The following DMD variants were observed in gnomAD, a reference collection of about 807,000 sequenced individuals.
DMD encodes the protein mutant dystrophin.
Under a neutral mutation model 330.1 loss-of-function variants are expected in DMD, and 63 were observed. The ratio of observed to expected loss-of-function variants is 0.19; its 90% CI spans 0.16 to 0.24. The LOEUF (loss-of-function observed/expected upper bound fraction) is 0.24, where lower values mean the gene tolerates loss of function less well. Ranked by LOEUF, DMD falls within the 10% of genes least tolerant of loss-of-function variation. DMD has a pLI of 1.00. For missense variants in DMD, 3,344 were observed against 2,684.1 expected (o/e 1.25, Z -5.43); for synonymous variants, 1,223 against 959.8 (o/e 1.27, Z -5.07).
At position 31,120,962 on chromosome X, in the gene DMD, A is replaced by ATACTTTT. The variant is rs1338245644; in HGVS notation, c.*956_*957insAAAAGTA. ...CACATGTTCCCTTTAAAAAAATCCAATACTTTACTTTACTTTCGTTGTCAG... is the reference window on the plus strand; with the variant it reads ...CACATGTTCCCTTTAAAAAAATCCAATACTTTTTACTTTACTTTACTTTCGTTGTCAG... On this transcript the variant is annotated 3_prime_UTR_variant, in exon 79 of 79. Coordinates refer to ENST00000357033, the MANE Select transcript of DMD (RefSeq NM_004006.3). The ATACTTTT allele has an allele frequency of 9.0e-6, 1 of 111,239 alleles. No homozygotes were observed. The highest frequency in any genetic ancestry group is 3.3e-5 in the African/African-American group (1 of 30,343). The allele number at this position is 111,239 out of a possible 1,213,427, so 9.2% of individuals were successfully genotyped here.
At chrX:31,792,026 G>A (rs1256169643) in intron 50 of DMD, among the ~76,000 whole-genome samples, 1 of 111,636 alleles carries the variant, frequency 9.0e-6, no homozygotes, top group East Asian at 2.8e-4. Context: ...AAGAGTCTTT[G>A]CAAATCAAAA....
At chrX:32,188,007 T>G (rs1341252255) in intron 44 of DMD, among the ~76,000 whole-genome samples, 6 of 111,165 alleles carry the variant, frequency 5.4e-5, no homozygotes, top group Non-Finnish European at 1.9e-5. Flanking sequence ...TGATATAGAA[T>G]TTTTTATCTG....
At chrX:31,466,554 G>T (rs1266886325) in intron 59 of DMD, among the ~76,000 whole-genome samples, 1 of 111,705 alleles carries the variant, frequency 9.0e-6, no homozygotes, top group East Asian at 2.8e-4. Flanking sequence ...ATACTGTTTT[G>T]GTTACTGAAG....
At chrX:31,529,109 C>G (rs771448996) in intron 55 of DMD, among the ~76,000 whole-genome samples, 1 of 111,427 alleles carries the variant, frequency 9.0e-6, no homozygotes, top group African/African-American at 3.3e-5. Flanking sequence ...GTAATCCCAG[C>G]TACTCAGGAG....
chrX:32,590,886 T>C (rs1336124916), intron 13 of DMD, among the ~76,000 whole-genome samples: 3 of 111,857 alleles, frequency 2.7e-5, no homozygotes, highest in Admixed American at 1.9e-4. Flanking sequence ...CAATTCTCCA[T>C]GATAAACTCC....
intron 54 of DMD, among the ~76,000 whole-genome samples, chrX:31,644,049 C>T (rs2079937491): frequency 9.0e-6 from 1 of 111,554 alleles, no homozygotes; most frequent in South Asian, 3.7e-4. Flanking sequence ...CTGATTCTGA[C>T]TTGTACTTTC....
chrX:32,821,607 AT>A (rs2078261589), intron 5 of DMD, among the ~76,000 whole-genome samples: 1 of 109,021 alleles, frequency 9.2e-6, no homozygotes, highest in Non-Finnish European at 1.9e-5. Flanking sequence ...ATAAAAAAAA[AT>A]AAAAATAAAA....
intron 54 of DMD, among the ~76,000 whole-genome samples, chrX:31,630,059 GCTC>G (rs1278993043): frequency 8.9e-6 from 1 of 112,021 alleles, no homozygotes; most frequent in Non-Finnish European, 1.9e-5. Context: ...ATGCATCTTA[GCTC>G]CTCTATCCTT....
rs777221980 is a variant in DMD, at chrX:31,742,123, A to G, written c.7543-12375T>C. 5.3e-5 allele frequency among the ~76,000 whole-genome samples: 6 copies of G among 112,296 alleles called. No individual in the cohort carries two copies. The Admixed American group carries it at 5.7e-4, about 11-fold the overall frequency. ...GCAGAGAATTAGTCCTTTGCTTTAG[A>G]TTAGCCTTTTGCTTAAGATAATGGT... is the stretch of plus-strand genomic sequence containing the variant. On this transcript the variant is annotated intron_variant, in intron 51 of 78. Transcript: ENST00000357033.
In DMD at chrX:32,554,950, AGG is replaced by A. The variant is rs763516342; in HGVS notation, c.1993-9618_1993-9617del. Among the ~76,000 whole-genome samples, 54 of 90,167 alleles carry A rather than the reference AGG, an allele frequency of 6.0e-4. 5 individuals carry two copies. Among genetic ancestry groups the A allele is most frequent in the East Asian group, 2.8e-3 (7 of 2,537 alleles). The allele number at this position is 90,167 out of a possible 115,157, so 78.3% of individuals were successfully genotyped here. A position where few individuals can be genotyped will look rare whatever the true frequency, so the allele number is the denominator to read the frequency against. On this transcript the variant is annotated intron_variant, in intron 16 of 78. Transcript: ENST00000357033. Reference sequence around the variant, plus strand: ...GAAAGAAAGAAAGAAAGAGAGAGAGAGGGAGAGAGAAAGAAAGAGAGAGAGAG... The same window carrying A: ...GAAAGAAAGAAAGAAAGAGAGAGAGAGAGAGAGAAAGAAAGAGAGAGAGAG...
At chrX:32,785,926 G>A (rs2075313931) in intron 7 of DMD, among the ~76,000 whole-genome samples, 1 of 110,552 alleles carries the variant, frequency 9.0e-6, no homozygotes, top group African/African-American at 3.3e-5. Flanking sequence ...ATGCCCAATC[G>A]TTATTTTTCT....
rs187982175 is a variant in DMD at position 32,295,432 on chromosome X, T to C, written c.6118-7731A>G. Among the ~76,000 whole-genome samples the C allele has an allele frequency of 1.8e-3, 205 of 112,433 alleles. 1 individual carries two copies. The highest frequency in any genetic ancestry group is 0.01 in the South Asian group (28 of 2,752). On this transcript the variant is annotated intron_variant, in intron 42 of 78. Transcript: ENST00000357033. ...AAATCTATAAGCCATGTGGCTTCAA[T>C]TCATTTATCTGTTTGAAAAGCTTAT...
chrX:32,321,038 C>T (rs1315083628), intron 41 of DMD, among the ~76,000 whole-genome samples: 1 of 111,736 alleles, frequency 8.9e-6, no homozygotes, highest in Non-Finnish European at 1.9e-5. Flanking sequence ...AGTAATCTCA[C>T]TCAACTCTGA....
At chrX:31,221,915 G>A (rs139959963) in intron 64 of DMD, among the ~76,000 whole-genome samples, 8,008 of 111,220 alleles carry the variant, frequency 0.072, 277 homozygotes, top group South Asian at 0.19. Flanking sequence ...AAATTAGGCC[G>A]GGCGTGGTGG....
At chrX:32,892,384 T>G (rs2149262356) in intron 2 of DMD, among the ~76,000 whole-genome samples, 1 of 109,454 alleles carries the variant, frequency 9.1e-6, no homozygotes, top group South Asian at 3.8e-4. Context: ...GTTTTGTTTG[T>G]TTTCGTTTTT....
intron 48 of DMD, among the ~76,000 whole-genome samples, chrX:31,852,361 T>C (rs148452632): frequency 0.039 from 4,314 of 111,832 alleles, 67 homozygotes; most frequent in Middle Eastern, 0.069. Context: ...CATACAGTTC[T>C]TAACTAAGGG....
At chrX:31,740,536 T>C (rs1688528832) in intron 51 of DMD, among the ~76,000 whole-genome samples, 2 of 112,692 alleles carry the variant, frequency 1.8e-5, no homozygotes, top group Admixed American at 9.4e-5. Flanking sequence ...GGCACACGAA[T>C]ATTTTTGGTT....
chrX:32,413,140 C>T (rs1454796857), intron 29 of DMD, among the ~76,000 whole-genome samples: 4 of 110,777 alleles, frequency 3.6e-5, no homozygotes, highest in African/African-American at 1.3e-4. Context: ...AATTCCTCCT[C>T]ACATTCTGAC....
chrX:32,870,761 T>C (rs753954027), intron 2 of DMD, among the ~76,000 whole-genome samples: 1 of 110,117 alleles, frequency 9.1e-6, no homozygotes, highest in South Asian at 3.9e-4. Context: ...TTACACCTTA[T>C]ACAAAAATTA....
Sources: gnomAD v4.1 joint callset for allele counts (sites outside exome capture counted in the v4.1 genomes callset) on GRCh38, gnomAD v4.1.1 for gene constraint, MANE v1.5 for transcripts, NCBI Gene and HGNC (gene_info 2026-07-23, HGNC 2026-07-21) for gene names.